Variants in LMBR1 observed in about 807,000 individuals in gnomAD.
LMBR1 encodes the protein limb region 1 protein homolog.
A neutral mutation model predicts 73.9 loss-of-function variants in LMBR1; 52 were observed. That is an observed-to-expected ratio of 0.70 (90% confidence interval 0.56 to 0.89). The LOEUF is 0.89. Ranked by LOEUF, LMBR1 falls within the 40% of genes least tolerant of loss-of-function variation. The pLI, the probability that LMBR1 is intolerant of heterozygous loss-of-function variation, is 0.00. For synonymous variants in LMBR1, 215 were observed against 209.4 expected (o/e 1.03, Z -0.23); for missense variants, 539 against 579.8 (o/e 0.93, Z 0.72).
At chr7:156,866,196 C>A (rs1163333676) in intron 1 of LMBR1, among the ~76,000 whole-genome samples, 2 of 151,952 alleles carry the variant, frequency 1.3e-5, no homozygotes, top group Non-Finnish European at 2.9e-5. Flanking sequence ...GGTCTTATGT[C>A]TAGATTATGT....
intron 1 of LMBR1, among the ~76,000 whole-genome samples, chr7:156,866,390 T>C (rs1026741000): frequency 2.6e-5 from 4 of 151,772 alleles, no homozygotes; most frequent in African/African-American, 9.7e-5. Context: ...ACAAAAATCA[T>C]TAGTTACAGG....
At chr7:156,675,056 G>T (rs983741825), downstream of LMBR1, among the ~76,000 whole-genome samples, 1 of 152,216 alleles carries the variant, frequency 6.6e-6, no homozygotes, top group Admixed American at 6.5e-5. Flanking sequence ...GATTTACTTA[G>T]TAAGTCCCAT....
intron 1 of LMBR1, among the ~76,000 whole-genome samples, chr7:156,863,726 G>A (rs1798048129): frequency 6.6e-6 from 1 of 151,978 alleles, no homozygotes. Flanking sequence ...GCCATTCTCT[G>A]ACTTAATTTT....
At chr7:156,698,404 A>G (rs1444310600) in intron 15 of LMBR1, among the ~76,000 whole-genome samples, 2 of 152,096 alleles carry the variant, frequency 1.3e-5, no homozygotes, top group African/African-American at 2.4e-5. Flanking sequence ...CTGACCCCAC[A>G]TTTTCATTCC....
intron 4 of LMBR1, chr7:156,823,787 G>A (rs2133787562): frequency 6.6e-6 from 1 of 152,314 alleles, no homozygotes; most frequent in East Asian, 1.9e-4. Flanking sequence ...AACTGCATAT[G>A]CTATATATAA....
At chr7:156,855,775 C>T (rs185310179) in intron 1 of LMBR1, among the ~76,000 whole-genome samples, 14 of 151,600 alleles carry the variant, frequency 9.2e-5, no homozygotes, top group Non-Finnish European at 1.9e-4. Flanking sequence ...AATAAAAATG[C>T]CTTACAAATA....
rs1400883927 is a variant in LMBR1, at chr7:156,670,322, A to G, written n.867-1035T>C. ...TCTAGTCAGGCCCTGCCTTCAGCTCACTGAGGAGTCAGGTCTGCAAGGGGG... is the reference window on the plus strand; with the variant it reads ...TCTAGTCAGGCCCTGCCTTCAGCTCGCTGAGGAGTCAGGTCTGCAAGGGGG... On this transcript the variant is annotated intron_variant and non_coding_transcript_variant, in intron 4 of 4. Transcript: ENST00000430825. This position sits in a 1 kb window ranked among gnomAD's most constrained non-coding sequence, Gnocchi z 4.3. 3.9e-5 allele frequency among the ~76,000 whole-genome samples: 6 copies of G among 152,170 alleles called. No individual in the cohort carries two copies. Among genetic ancestry groups the G allele is most frequent in the Non-Finnish European group, 7.3e-5 (5 of 68,034 alleles).
At chr7:156,706,835 A>C (rs1005451679) in intron 15 of LMBR1, among the ~76,000 whole-genome samples, 1 of 152,034 alleles carries the variant, frequency 6.6e-6, no homozygotes, top group Non-Finnish European at 1.5e-5. Context: ...AAAAGTAACA[A>C]ACCAAATCCA....
chr7:156,720,445 G>A (rs1048309582), intron 15 of LMBR1, among the ~76,000 whole-genome samples: 3 of 152,152 alleles, frequency 2.0e-5, no homozygotes, highest in Non-Finnish European at 4.4e-5. Flanking sequence ...GAAGTGTAGT[G>A]TCAGGAAACA....
At chr7:156,888,389 AAC>A (rs1343930561) in intron 1 of LMBR1, among the ~76,000 whole-genome samples, 2 of 150,246 alleles carry the variant, frequency 1.3e-5, no homozygotes. Context: ...CAGCCTGGGA[AAC>A]ACAGCGAGAC....
At chr7:156,687,930 A>C in intron 16 of LMBR1, 100 bp downstream of exon 16, 2 of 1,140,236 alleles carry the variant, frequency 1.8e-6, no homozygotes, top group Non-Finnish European at 2.4e-6. Flanking sequence ...CTAAGGTTTT[A>C]CAAATTTGGG....
intron 9 of LMBR1, among the ~76,000 whole-genome samples, chr7:156,753,910 A>G (rs1821370153): frequency 6.6e-6 from 1 of 151,968 alleles, no homozygotes; most frequent in Non-Finnish European, 1.5e-5. Flanking sequence ...CTTCCTCTCT[A>G]TTCCTTTTTT....
intron 5 of LMBR1, among the ~76,000 whole-genome samples, chr7:156,764,538 T>C (rs1823735972): frequency 6.6e-6 from 1 of 152,306 alleles, no homozygotes; most frequent in South Asian, 2.1e-4. Flanking sequence ...AATCACCCAA[T>C]GATTGAATCT....
chr7:156,715,002 A>G (rs1435940658), intron 15 of LMBR1, among the ~76,000 whole-genome samples: 4 of 149,570 alleles, frequency 2.7e-5, no homozygotes, highest in African/African-American at 7.4e-5. Context: ...CCCAGGCTGG[A>G]GTGCAGTGGC....
intron 11 of LMBR1, 129 bp from the exon 12 acceptor site, chr7:156,728,136 A>C (rs1300536238): frequency 1.4e-5 from 9 of 623,108 alleles, no homozygotes; most frequent in Non-Finnish European, 2.2e-5. Flanking sequence ...TATATATAAA[A>C]CTAAAGTAAT....
chr7:156,826,706 C>T lies in LMBR1; in HGVS notation c.218G>A (p.Gly73Glu), dbSNP rs1416198782. 2 of 1,611,392 alleles carry T rather than the reference C, an allele frequency of 1.2e-6. No homozygotes were observed. Among genetic ancestry groups the T allele is most frequent in the Non-Finnish European group, 1.7e-6 (2 of 1,178,626 alleles). The change falls in exon 4 of 17, where the codon GGG (glycine) becomes GAG (glutamate). Residue 73 changes from glycine to glutamate, a missense_variant. Gly to Glu is a moderately conservative substitution (Grantham distance 98). Around this residue, in one of 3 missense-constraint regions of LMBR1, gnomAD observed 454 missense variants for 473.4 expected, o/e 0.96. Transcript: ENST00000353442. ...LSTFTLAVSAGAVLLLPFSII... is the reference protein window; with the variant it reads ...LSTFTLAVSAEAVLLLPFSII... Reference sequence around the variant, plus strand: ...TGAGAAGGGTAAAAGCAAAACAGCCCCAGCTGACACTGCGAGAGTGAACGT... The same window carrying T: ...TGAGAAGGGTAAAAGCAAAACAGCCTCAGCTGACACTGCGAGAGTGAACGT...
chr7:156,846,842 A>G (rs1795548336), intron 1 of LMBR1, among the ~76,000 whole-genome samples: 1 of 151,840 alleles, frequency 6.6e-6, no homozygotes, highest in Non-Finnish European at 1.5e-5. Flanking sequence ...CTTGAAAGTT[A>G]TCACCACAAA....
At chr7:156,834,127 T>C (rs1837190946) in intron 2 of LMBR1, among the ~76,000 whole-genome samples, 1 of 152,168 alleles carries the variant, frequency 6.6e-6, no homozygotes, top group South Asian at 2.1e-4. Context: ...AAACTGCTAA[T>C]AAATAAAATT....
At chr7:156,761,712 C>G (rs1287516093) in intron 8 of LMBR1, among the ~76,000 whole-genome samples, 1 of 152,118 alleles carries the variant, frequency 6.6e-6, no homozygotes, top group Admixed American at 6.5e-5. Context: ...TGCGGTGGCT[C>G]ACGCCTGTAA....
Sources: allele counts gnomAD v4.1 joint callset (sites outside exome capture counted in the v4.1 genomes callset), GRCh38; gene constraint gnomAD v4.1.1; regional missense constraint gnomAD v4.1.1; non-coding constraint Gnocchi (gnomAD v3.1); transcripts MANE v1.5; gene names NCBI Gene and HGNC (gene_info 2026-07-23, HGNC 2026-07-21).